FMNL2: variants seen among roughly 807,000 people sequenced by gnomAD.
FMNL2 encodes the protein formin-like protein 2.
In FMNL2, 51 loss-of-function variants were observed where a neutral mutation model predicts 130.2. The ratio of observed to expected loss-of-function variants is 0.39; its 90% CI spans 0.31 to 0.49. FMNL2 has a LOEUF of 0.49. Ranked by LOEUF, FMNL2 falls within the 20% of genes least tolerant of loss-of-function variation. The pLI is 0.85. For synonymous variants in FMNL2, 465 were observed against 467.1 expected (o/e 1.00, Z 0.06); for missense variants, 977 against 1,316.2 (o/e 0.74, Z 3.99).
In FMNL2 at chr2:152,649,018, A is replaced by AAAG. The variant is rs1395344183; in HGVS notation, c.*1114_*1116dup. 2.6e-5 allele frequency: 4 copies of AAAG among 152,654 alleles called. No individual in the cohort carries two copies. The highest frequency in any genetic ancestry group is 9.6e-5 in the African/African-American group (4 of 41,452). The allele number at this position is 152,654 out of a possible 1,614,324, so 9.5% of individuals were successfully genotyped here. ...TCTGGCAGGGCACTTGATCCATTCC[A>AAAG]AAGTCAAAAACTGGACTGAAGCTAA... On this transcript the variant is annotated 3_prime_UTR_variant, in exon 26 of 26. Transcript: ENST00000288670.
intron 10 of FMNL2, 76 bp downstream of exon 10, chr2:152,607,489 AC>A: frequency 1.1e-6 from 1 of 891,854 alleles, no homozygotes; most frequent in Non-Finnish European, 1.8e-6. Flanking sequence ...ACACACACAC[AC>A]ACACACACAC....
intron 12 of FMNL2, among the ~76,000 whole-genome samples, chr2:152,616,440 C>T (rs1377509774): frequency 6.8e-6 from 1 of 147,818 alleles, no homozygotes; most frequent in Non-Finnish European, 1.5e-5. Context: ...AAGTGATTCT[C>T]CTGCCTCAGC....
chr2:152,555,064 C>T (rs973595041), intron 4 of FMNL2, among the ~76,000 whole-genome samples: 3 of 152,140 alleles, frequency 2.0e-5, no homozygotes, highest in East Asian at 1.9e-4. Flanking sequence ...CCTGAGTGCA[C>T]GGAGTGACAA....
intron 1 of FMNL2, among the ~76,000 whole-genome samples, chr2:152,463,741 T>G (rs1001719145): frequency 6.6e-6 from 1 of 152,228 alleles, no homozygotes; most frequent in Non-Finnish European, 1.5e-5. Context: ...CCCTCTCCCC[T>G]AGTTTTTCTA....
chr2:152,342,365 A>C (rs1681860299), intron 1 of FMNL2, among the ~76,000 whole-genome samples: 1 of 152,242 alleles, frequency 6.6e-6, no homozygotes, highest in Non-Finnish European at 1.5e-5. Context: ...GAATCCTTAT[A>C]AAAGAAGGAA....
intron 1 of FMNL2, among the ~76,000 whole-genome samples, chr2:152,490,228 GC>G (rs1161826560): frequency 1.3e-5 from 2 of 151,914 alleles, no homozygotes; most frequent in East Asian, 3.9e-4. Context: ...TGAGCATGAG[GC>G]CAGCAGTAGG....
intron 4 of FMNL2, among the ~76,000 whole-genome samples, chr2:152,550,710 C>A (rs4664115): frequency 6.6e-6 from 1 of 151,974 alleles, no homozygotes; most frequent in Non-Finnish European, 1.5e-5. Flanking sequence ...TTAGACTCAG[C>A]ACATTTAAAT....
At chr2:152,359,130 A>G (rs1020279614) in intron 1 of FMNL2, among the ~76,000 whole-genome samples, 6 of 152,224 alleles carry the variant, frequency 3.9e-5, no homozygotes, top group African/African-American at 1.4e-4. Context: ...AAACATAAAT[A>G]AAATTATTAA....
chr2:152,338,883 G>T (rs1366895442), intron 1 of FMNL2, among the ~76,000 whole-genome samples: 1 of 150,494 alleles, frequency 6.6e-6, no homozygotes, highest in African/African-American at 2.5e-5. Context: ...GTGTGTGTAT[G>T]TGCAATGTTT....
At chr2:152,507,084 A>G (rs1460881716) in intron 1 of FMNL2, among the ~76,000 whole-genome samples, 1 of 152,250 alleles carries the variant, frequency 6.6e-6, no homozygotes, top group Non-Finnish European at 1.5e-5. Flanking sequence ...GAACCACCTC[A>G]GGCTAGTGGC....
intron 2 of FMNL2, among the ~76,000 whole-genome samples, chr2:152,525,389 A>G (rs1693331967): frequency 6.6e-6 from 1 of 151,444 alleles, no homozygotes; most frequent in East Asian, 2.0e-4. Flanking sequence ...TTCCACCAAC[A>G]TATAATCCAG....
intron 11 of FMNL2, 49 bp from the exon 12 acceptor site, chr2:152,614,802 A>G (rs368783776): frequency 1.6e-5 from 25 of 1,534,074 alleles, no homozygotes; most frequent in African/African-American, 4.2e-5. Context: ...ATGATGTTCT[A>G]TTTCCATAGA....
rs1391304855 is a variant in FMNL2 at position 152,555,570 on chromosome 2, A to G, written c.360-3170A>G. ...AAAGATTTGATATTAAGCTGTGACC[A>G]GCCTACAATAAAACAGTGACTGTTG... On this transcript the variant is annotated intron_variant, in intron 4 of 25. Coordinates refer to ENST00000288670, the MANE Select transcript of FMNL2 (RefSeq NM_052905.4). Among the ~76,000 whole-genome samples, 9 of 146,754 alleles carry G rather than the reference A, an allele frequency of 6.1e-5. No individual in the cohort carries two copies. In the East Asian group the frequency reaches 1.8e-3, roughly 29 times the overall value.
intron 21 of FMNL2, among the ~76,000 whole-genome samples, chr2:152,634,004 A>G (rs1451524677): frequency 1.3e-5 from 2 of 152,196 alleles, no homozygotes; most frequent in African/African-American, 2.4e-5. Context: ...TGGCACTATC[A>G]TAAGTATTAG....
At chr2:152,454,010 C>T (rs1262488013) in intron 1 of FMNL2, among the ~76,000 whole-genome samples, 1 of 152,180 alleles carries the variant, frequency 6.6e-6, no homozygotes, top group Non-Finnish European at 1.5e-5. Context: ...CAGTAGCTCA[C>T]GCCTATAACC....
At chr2:152,340,925 C>T (rs553952915) in intron 1 of FMNL2, among the ~76,000 whole-genome samples, 123 of 152,102 alleles carry the variant, frequency 8.1e-4, no homozygotes, top group African/African-American at 2.7e-3. Flanking sequence ...CTCCTGACCT[C>T]GTGATCCACC....
At chr2:152,427,305 G>A (rs759690852) in intron 1 of FMNL2, among the ~76,000 whole-genome samples, 2 of 152,172 alleles carry the variant, frequency 1.3e-5, no homozygotes, top group Non-Finnish European at 2.9e-5. Context: ...CCAGCACTTT[G>A]GGAGGCTGAG....
At chr2:152,628,724 A>G (rs1681967581) in intron 18 of FMNL2, among the ~76,000 whole-genome samples, 191 bp downstream of exon 18, 1 of 152,188 alleles carries the variant, frequency 6.6e-6, no homozygotes, top group Admixed American at 6.5e-5. Flanking sequence ...AAAATGGGGA[A>G]TGTTCATATT....
rs185171706 is a variant in FMNL2 at position 152,507,204 on chromosome 2, C to T, written c.118-14739C>T. The stretch of plus-strand genomic sequence containing the variant: ...GTGCCTTGGCACTCAATTTGAGAAC[C>T]ACAGATCTAGACATTTCTATTTAGT... On this transcript the variant is annotated intron_variant, in intron 1 of 25. Transcript: ENST00000288670. Among the ~76,000 whole-genome samples, 413 of 152,288 alleles carry T rather than the reference C, an allele frequency of 2.7e-3. 1 individual carries two copies. The highest frequency in any genetic ancestry group is 4.6e-3 in the Non-Finnish European group (312 of 68,014).
Sources: allele counts gnomAD v4.1 joint callset (sites outside exome capture counted in the v4.1 genomes callset), GRCh38; gene constraint gnomAD v4.1.1; transcripts MANE v1.5; gene names NCBI Gene and HGNC (gene_info 2026-07-23, HGNC 2026-07-21).